RHBDL2: variants seen among roughly 807,000 people sequenced by gnomAD.
RHBDL2 encodes the protein rhomboid like 2.
Under a neutral mutation model 31.7 loss-of-function variants are expected in RHBDL2, and 26 were observed. The observed-to-expected ratio is 0.82, with a 90% CI of 0.60 to 1.14. The LOEUF (loss-of-function observed/expected upper bound fraction) is 1.14, where lower values mean the gene tolerates loss of function less well. Ranked by LOEUF, RHBDL2 falls within the 50% of genes most tolerant of loss-of-function variation. The pLI is 0.00. For synonymous variants in RHBDL2, 123 were observed against 127.2 expected, an observed-to-expected ratio of 0.97 and a Z score of 0.22; for missense variants, 336 against 364.4, an observed-to-expected ratio of 0.92 and a Z score of 0.63.
intron 4 of RHBDL2, among the ~76,000 whole-genome samples, chr1:38,900,070 A>C (rs1002259406): frequency 2.0e-5 from 3 of 152,192 alleles, no homozygotes; most frequent in African/African-American, 7.2e-5. Flanking sequence ...TTACCATCTT[A>C]CCAAAAAGAA....
At chr1:38,892,848 A>C (rs1642871203) in intron 6 of RHBDL2, among the ~76,000 whole-genome samples, 1 of 152,238 alleles carries the variant, frequency 6.6e-6, no homozygotes, top group Non-Finnish European at 1.5e-5. Context: ...ATAGCTGCTG[A>C]AACAAATTGA....
chr1:38,937,342 ATC>A (rs1373288603), intron 1 of RHBDL2, among the ~76,000 whole-genome samples: 3 of 152,190 alleles, frequency 2.0e-5, no homozygotes, highest in Non-Finnish European at 4.4e-5. Flanking sequence ...TTTACTTGCT[ATC>A]TCTCAGGAAC....
At chr1:38,902,944 A>T (rs551708356) in intron 4 of RHBDL2, among the ~76,000 whole-genome samples, 1 of 152,212 alleles carries the variant, frequency 6.6e-6, no homozygotes, top group African/African-American at 2.4e-5. Context: ...TAAATAACCC[A>T]TGTGTCAAAG....
At chr1:38,903,340 A>T (rs887087012) in intron 4 of RHBDL2, among the ~76,000 whole-genome samples, 13 of 151,550 alleles carry the variant, frequency 8.6e-5, no homozygotes, top group African/African-American at 3.2e-4. Flanking sequence ...GGGTTTCACT[A>T]TGTTGCCCAG....
intron 4 of RHBDL2, among the ~76,000 whole-genome samples, chr1:38,897,763 G>A (rs1642938589): frequency 2.0e-5 from 3 of 152,052 alleles, no homozygotes; most frequent in South Asian, 4.1e-4. Flanking sequence ...AAGAGAAGAA[G>A]GTATTCAGGA....
chr1:38,892,089 C>T (rs930502204), intron 6 of RHBDL2, among the ~76,000 whole-genome samples: 11 of 152,200 alleles, frequency 7.2e-5, no homozygotes, highest in Admixed American at 2.0e-4. Context: ...TCCTAACCTC[C>T]TTTAGCATGT....
intron 1 of RHBDL2, among the ~76,000 whole-genome samples, chr1:38,924,918 G>A (rs1423940795): frequency 6.6e-6 from 1 of 151,062 alleles, no homozygotes; most frequent in Non-Finnish European, 1.5e-5. Context: ...AGTAGCTGAA[G>A]TTACAGGCAT....
At chr1:38,931,318 G>A (rs562635283) in intron 1 of RHBDL2, among the ~76,000 whole-genome samples, 62 of 152,104 alleles carry the variant, frequency 4.1e-4, no homozygotes, top group African/African-American at 1.4e-3. Context: ...TCAGGAGATC[G>A]AGACCATCCT....
chr1:38,926,284 G>GCATCCAT, intron 1 of RHBDL2: 2 of 891,590 alleles, frequency 2.2e-6, no homozygotes, highest in Non-Finnish European at 1.4e-6. Flanking sequence ...ATGGCATCCA[G>GCATCCAT]CATCCAACGC....
chr1:38,916,426 TG>T (rs1350139237), intron 2 of RHBDL2, among the ~76,000 whole-genome samples: 1 of 152,134 alleles, frequency 6.6e-6, no homozygotes, highest in East Asian at 1.9e-4. Context: ...TGGGTAGACA[TG>T]GCAGCTAAAT....
chr1:38,912,407 T>C (rs953453735), intron 3 of RHBDL2, among the ~76,000 whole-genome samples: 3 of 128,802 alleles, frequency 2.3e-5, no homozygotes, highest in African/African-American at 8.2e-5. Context: ...GCCTGGCCCG[T>C]TTTTTTTTTT....
chr1:38,890,780 GC>G (rs1642843992), intron 6 of RHBDL2, among the ~76,000 whole-genome samples: 1 of 151,298 alleles, frequency 6.6e-6, no homozygotes, highest in South Asian at 2.1e-4. Context: ...GCTCACTGCA[GC>G]CTTGACCTCC....
intron 2 of RHBDL2, 125 bp downstream of exon 2, chr1:38,918,842 G>T: frequency 8.4e-7 from 1 of 1,185,406 alleles, no homozygotes; most frequent in Non-Finnish European, 1.2e-6. Flanking sequence ...GGTGTGTGCT[G>T]TCCCCATCCC....
chr1:38,906,299 T>C (rs1000658032), intron 4 of RHBDL2, among the ~76,000 whole-genome samples: 6 of 152,046 alleles, frequency 3.9e-5, no homozygotes, highest in Non-Finnish European at 7.4e-5. Flanking sequence ...GATTTGCAGA[T>C]GACATGAAAA....
chr1:38,897,103 C>CTT (rs1214407153), intron 4 of RHBDL2, among the ~76,000 whole-genome samples: 2 of 142,036 alleles, frequency 1.4e-5, no homozygotes, highest in Non-Finnish European at 3.1e-5. Context: ...TTTGAAGAAT[C>CTT]TTTTTTTTTT....
chr1:38,911,650 G>GCA (rs1557615173), intron 3 of RHBDL2, among the ~76,000 whole-genome samples: 41 of 145,922 alleles, frequency 2.8e-4, no homozygotes, highest in African/African-American at 1.0e-3. Context: ...GTGTGTGCGC[G>GCA]CGCGCGCGCG....
chr1:38,941,719 C>CTCCGG lies in RHBDL2; in HGVS notation c.-168_-164dup, dbSNP rs1382148375. The stretch of plus-strand genomic sequence containing the variant: ...AGGTAGGGGCGTCCCAGCCCACGCC[C>CTCCGG]TCCGGTCCTTGCGTTCCAGGCTTCC... On this transcript the variant is annotated 5_prime_UTR_variant, in exon 1 of 8. Coordinates refer to ENST00000372990, the MANE Select transcript of RHBDL2 (RefSeq NM_017821.5). 1 of 152,588 alleles carries CTCCGG rather than the reference C, an allele frequency of 6.6e-6. No homozygotes were observed. The highest frequency in any genetic ancestry group is 1.9e-4 in the East Asian group (1 of 5,190). The allele number at this position is 152,588 out of a possible 1,614,324, so 9.5% of individuals were successfully genotyped here.
At chr1:38,935,307 T>C (rs1643486822) in intron 1 of RHBDL2, among the ~76,000 whole-genome samples, 1 of 152,260 alleles carries the variant, frequency 6.6e-6, no homozygotes, top group Admixed American at 6.5e-5. Context: ...AACTGGCTCA[T>C]GTCTCAATTC....
chr1:38,918,505 C>T (rs763752014), intron 2 of RHBDL2, among the ~76,000 whole-genome samples: 1 of 152,170 alleles, frequency 6.6e-6, no homozygotes, highest in Non-Finnish European at 1.5e-5. Flanking sequence ...TGAAAACACA[C>T]CACGTGCTGC....
Sources: gnomAD v4.1 joint callset for allele counts (sites outside exome capture counted in the v4.1 genomes callset) on GRCh38, gnomAD v4.1.1 for gene constraint, MANE v1.5 for transcripts, NCBI Gene and HGNC (gene_info 2026-07-23, HGNC 2026-07-21) for gene names.